The following SLC22A31 variants were observed in gnomAD, a reference collection of about 807,000 sequenced individuals.
The protein encoded by SLC22A31 is solute carrier family 22 member 31, also known as putative solute carrier family 22 member 31.
SLC22A31 carries 42 observed loss-of-function variants against 27.4 expected under a neutral mutation model. The observed-to-expected ratio is 1.53, with a 90% CI of 1.20 to 1.98. The LOEUF (loss-of-function observed/expected upper bound fraction) is 1.98. SLC22A31 is among the 30% of genes most tolerant of loss of function. The pLI is 0.00. For synonymous variants in SLC22A31, 290 were observed against 230.8 expected, an observed-to-expected ratio of 1.26 and a Z score of -2.33; for missense variants, 593 against 479.9, an observed-to-expected ratio of 1.24 and a Z score of -2.20.
chr16:89,198,134 C>G lies in SLC22A31; in HGVS notation c.910G>C (p.Ala304Pro). 2 of 1,534,056 alleles carry G rather than the reference C, an allele frequency of 1.3e-6. No homozygotes were observed. Among genetic ancestry groups the G allele is most frequent in the South Asian group, 1.2e-5 (1 of 83,964 alleles). Residue 304 changes from alanine (A) to proline (P), a missense_variant, in exon 7 of 9, where the codon GCT (alanine) becomes CCT (proline). By Grantham distance (27) the Ala-to-Pro change is conservative. Transcript: ENST00000682282. ...VTGLASLLLL[A>P]GAQYLPGWTV... is the part of the protein sequence containing the mutation. ...GCCCCAAGCTCACACTGGGCCCCAGCGAGGAGCAGCAGGGATGCCAGGCCT... is the reference window on the plus strand; with the variant it reads ...GCCCCAAGCTCACACTGGGCCCCAGGGAGGAGCAGCAGGGATGCCAGGCCT...
upstream of SLC22A31, chr16:89,201,241 G>A: frequency 2.7e-6 from 1 of 369,574 alleles, no homozygotes. Context: ...GGGCTGCGGG[G>A]CAGCAGGGAC....
At position 89,199,130 on chromosome 16, in the gene SLC22A31, C is replaced by A; in HGVS notation, c.345G>T (p.Ser115=). Residue 115 remains serine, a synonymous_variant, in exon 4 of 9, where the codon TCG becomes TCT. Transcript: ENST00000682282. ...LAFSMGAGLF[S]VVGTLLLPGL... Reference sequence around the variant, plus strand: ...CGGGCAGCAGCAGGGTGCCCACCACCGAGAAAAGGCCAGCCCCCATGGAGA... The same window carrying A: ...CGGGCAGCAGCAGGGTGCCCACCACAGAGAAAAGGCCAGCCCCCATGGAGA... The A allele has an allele frequency of 1.3e-6, 2 of 1,535,332 alleles. No individual in the cohort carries two copies. Among genetic ancestry groups the A allele is most frequent in the Non-Finnish European group, 1.7e-6 (2 of 1,146,656 alleles).
In SLC22A31 at chr16:89,196,074, G is replaced by A. The variant is rs1915858252; in HGVS notation, c.1266C>T (p.Arg422=). 4.6e-6 allele frequency: 7 copies of A among 1,531,680 alleles called. No homozygotes were observed. Among genetic ancestry groups the A allele is most frequent in the Non-Finnish European group, 6.1e-6 (7 of 1,145,256 alleles). The allele number at this position is 1,531,680 out of a possible 1,614,324, so 94.9% of individuals were successfully genotyped here. A position where few individuals can be genotyped will look rare whatever the true frequency, so the allele number is the denominator to read the frequency against. ...RLRRSPLLRG[R]PRQDHLPLLP... The stretch of plus-strand genomic sequence containing the variant: ...GCAGAGGCAGGTGGTCCTGGCGGGG[G>A]CGGCCCCGCAGGAGTGGGGAGCGGC... The change falls in exon 9 of 9, where the codon CGC becomes CGT. Residue 422 remains arginine (R), a synonymous_variant. Transcript: ENST00000682282.
upstream of SLC22A31, chr16:89,201,209 C>T (rs1205774019): frequency 1.1e-5 from 4 of 375,724 alleles, no homozygotes; most frequent in Non-Finnish European, 1.9e-5. Context: ...CACCCAGGGC[C>T]TCGGCGGGCT....
At chr16:89,199,373 C>T (rs1046154289) in intron 3 of SLC22A31, 40 bp downstream of exon 3, 2 of 616,640 alleles carry the variant, frequency 3.2e-6, no homozygotes, top group South Asian at 4.2e-5. Flanking sequence ...GGGCCACCCA[C>T]TGCCCCTCCC....
At position 89,196,144 on chromosome 16, in the gene SLC22A31, C is replaced by T. The variant is rs762545736; in HGVS notation, c.1196G>A (p.Arg399Gln). Residue 399 changes from arginine (R) to glutamine (Q), a missense_variant, in exon 9 of 9, where the codon CGA becomes CAA. Transcript: ENST00000682282. ...LLCVLLLPES[R>Q]SRGLPQSLQD... The stretch of plus-strand genomic sequence containing the variant: ...CAGTGACTGGGGCAGCCCCCGGCTT[C>T]GGCTCTCAGGCAGCAGCAGGACACA... 8.2e-5 allele frequency: 126 copies of T among 1,534,856 alleles called. No homozygotes were observed. The African/African-American group carries it at 1.5e-3, about 19-fold the overall frequency.
At chr16:89,197,554 G>T in intron 7 of SLC22A31, 145 bp from the exon 8 acceptor site, 1 of 614,318 alleles carries the variant, frequency 1.6e-6, no homozygotes, top group Admixed American at 2.9e-5. Flanking sequence ...AAACCTGGAG[G>T]GGGAACCTGT....
In SLC22A31 at chr16:89,199,116, AG is replaced by A. The variant is rs1207764330; in HGVS notation, c.358del (p.Leu120CysfsTer22). 1 of 1,532,432 alleles carries A rather than the reference AG, an allele frequency of 6.5e-7. No individual in the cohort carries two copies. The highest frequency in any genetic ancestry group is 1.4e-5 in the African/African-American group (1 of 72,222). The allele number at this position is 1,532,432 out of a possible 1,614,324, so 94.9% of individuals were successfully genotyped here. A position where few individuals can be genotyped will look rare whatever the true frequency, so the allele number is the denominator to read the frequency against. On this transcript the variant is annotated frameshift_variant, in exon 4 of 9. Transcript: ENST00000682282. LOFTEE classifies it high-confidence loss of function. ...AAGCGCAGCCAGGCCGGGCAGCAGC[AG>A]GGTGCCCACCACCGAGAAAAGGCCA... is the stretch of plus-strand genomic sequence containing the variant. ...GAGLFSVVGT[L>X]LLPGLAALVQ...
chr16:89,198,540 C>T lies in SLC22A31; in HGVS notation c.609G>A (p.Met203Ile), dbSNP rs1916209370. ...GGGGCTGGGGGCTCCGTGCAGACAG[C>T]ATGGTCAGCTCTGTAGCCGCAGAGA... ...EENSLATELTMLSARSPQPRY... is the reference protein window; with the variant it reads ...EENSLATELTILSARSPQPRY... The change falls in exon 6 of 9, where the codon ATG becomes ATA. Residue 203 changes from methionine (M) to isoleucine (I), a missense_variant. Coordinates refer to ENST00000682282, the MANE Select transcript of SLC22A31 (RefSeq NM_001384763.1). 4 of 1,508,008 alleles carry T rather than the reference C, an allele frequency of 2.7e-6. No individual in the cohort carries two copies. Among genetic ancestry groups the T allele is most frequent in the African/African-American group, 1.4e-5 (1 of 72,482 alleles). The allele number at this position is 1,508,008 out of a possible 1,614,324, so 93.4% of individuals were successfully genotyped here. A position where few individuals can be genotyped will look rare whatever the true frequency, so the allele number is the denominator to read the frequency against.
At chr16:89,201,438 C>A (rs1291428529), upstream of SLC22A31, 1 of 386,192 alleles carries the variant, frequency 2.6e-6, no homozygotes, top group East Asian at 3.7e-5. Flanking sequence ...GGGCCCCAGG[C>A]GCGGGATGGC....
Position 89,195,990 on chromosome 16 carries a change from C to G in SLC22A31, c.*9G>C. Reference sequence around the variant, plus strand: ...GTCCCATCCTGGCTCCCAGGGCCACCAGGCAGGACTAGTGCTGCTCGGGGG... The same window carrying G: ...GTCCCATCCTGGCTCCCAGGGCCACGAGGCAGGACTAGTGCTGCTCGGGGG... On this transcript the variant is annotated 3_prime_UTR_variant, in exon 9 of 9. Coordinates refer to ENST00000682282, the MANE Select transcript of SLC22A31 (RefSeq NM_001384763.1). 6.8e-7 allele frequency: 1 copy of G among 1,474,548 alleles called. No individual in the cohort carries two copies. Among genetic ancestry groups the G allele is most frequent in the Non-Finnish European group, 9.0e-7 (1 of 1,116,302 alleles). The allele number at this position is 1,474,548 out of a possible 1,614,324, so 91.3% of individuals were successfully genotyped here.
In SLC22A31 at chr16:89,198,185, C is replaced by A. The variant is rs765072693; in HGVS notation, c.859G>T (p.Val287Leu). 2 of 1,535,428 alleles carry A rather than the reference C, an allele frequency of 1.3e-6. No individual in the cohort carries two copies. Among genetic ancestry groups the A allele is most frequent in the Non-Finnish European group, 1.7e-6 (2 of 1,146,854 alleles). ...LTADCCGRRP[V>L]LLLGTMVTGL... ...GTGACCATGGTGCCCAGCAGCAGCA[C>A]GGGGCGGCGTCCACAGCAATCTGCC... The change falls in exon 7 of 9, where the codon GTG becomes TTG. Residue 287 changes from valine (V) to leucine (L), a missense_variant. Transcript: ENST00000682282.
At chr16:89,197,980 A>G in intron 7 of SLC22A31, 142 bp downstream of exon 7, 1 of 903,104 alleles carries the variant, frequency 1.1e-6, no homozygotes, top group Non-Finnish European at 1.6e-6. Context: ...GCCTTCCACA[A>G]GGATCAGAGG....
Position 89,198,106 on chromosome 16 carries a change from GGGGCCCCAAGCTCACACT to G in SLC22A31, c.920_922+15del, listed in dbSNP as rs143579658. The G allele has an allele frequency of 9.8e-3, 14,952 of 1,533,150 alleles. 564 individuals carry two copies. The East Asian group carries it at 0.12, about 12-fold the overall frequency. The allele number at this position is 1,533,150 out of a possible 1,614,324, so 95.0% of individuals were successfully genotyped here. ...ACACAATGGCTCCTGTATGGCCTGC[GGGGCCCCAAGCTCACACT>G]GGGCCCCAGCGAGGAGCAGCAGGGA... On this transcript the variant is annotated splice_donor_variant and splice_donor_5th_base_variant and coding_sequence_variant and intron_variant, in exon 7 of 9. Coordinates refer to ENST00000682282, the MANE Select transcript of SLC22A31 (RefSeq NM_001384763.1). LOFTEE classifies it high-confidence loss of function.
At chr16:89,197,538 C>G (rs1040696948) in intron 7 of SLC22A31, 129 bp from the exon 8 acceptor site, 10 of 631,856 alleles carry the variant, frequency 1.6e-5, no homozygotes, top group Non-Finnish European at 2.5e-5. Context: ...TTCCAGCCCC[C>G]CTGAGAAACC....
At chr16:89,200,100 C>G (rs1324973664) in intron 1 of SLC22A31, 1 of 312,508 alleles carries the variant, frequency 3.2e-6, no homozygotes. Flanking sequence ...CACACCATTG[C>G]TCTTCCCCCA....
chr16:89,198,153 C>T lies in SLC22A31; in HGVS notation c.891G>A (p.Leu297=). 1 of 1,534,828 alleles carries T rather than the reference C, an allele frequency of 6.5e-7. No homozygotes were observed. The highest frequency in any genetic ancestry group is 1.2e-5 in the South Asian group (1 of 84,008). The change falls in exon 7 of 9, where the codon CTG becomes CTA. Residue 297 remains leucine (L), a synonymous_variant. Transcript: ENST00000682282. ...VLLLGTMVTG[L]ASLLLLAGAQ... ...CCCCAGCGAGGAGCAGCAGGGATGC[C>T]AGGCCTGTGACCATGGTGCCCAGCA...
At position 89,198,455 on chromosome 16, in the gene SLC22A31, A is replaced by C; in HGVS notation, c.694T>G (p.Leu232Val). The change falls in exon 6 of 9, where the codon TTG (leucine) becomes GTG (valine). Residue 232 changes from leucine (L) to valine (V), a missense_variant. Coordinates refer to ENST00000682282, the MANE Select transcript of SLC22A31 (RefSeq NM_001384763.1). ...TRVTWRNGLI[L>V]GFSSLVGGGI... ...TCCTCGACTCACGAGCTGAAGCCCA[A>C]GATAAGCCCGTTTCTCCAGGTGACT... The C allele has an allele frequency of 6.6e-7, 1 of 1,519,392 alleles. No homozygotes were observed. The highest frequency in any genetic ancestry group is 8.8e-7 in the Non-Finnish European group (1 of 1,137,874). The allele number at this position is 1,519,392 out of a possible 1,614,324, so 94.1% of individuals were successfully genotyped here.
chr16:89,200,832 C>A (rs1916528899), upstream of SLC22A31, among the ~76,000 whole-genome samples: 1 of 152,232 alleles, frequency 6.6e-6, no homozygotes, highest in Non-Finnish European at 1.5e-5. Context: ...AGCCTCTGCG[C>A]ACCTCACTGA....
Sources: gnomAD v4.1 joint callset for allele counts (sites outside exome capture counted in the v4.1 genomes callset) on GRCh38, gnomAD v4.1.1 for gene constraint, MANE v1.5 for transcripts, NCBI Gene and HGNC (gene_info 2026-07-23, HGNC 2026-07-21) for gene names.